ADAM12: variants seen among roughly 807,000 people sequenced by gnomAD.
ADAM12 encodes ADAM metallopeptidase domain 12.
Under a neutral mutation model 106.4 loss-of-function variants are expected in ADAM12, and 70 were observed. That is an observed-to-expected ratio of 0.66 (90% CI 0.54 to 0.80). The LOEUF (loss-of-function observed/expected upper bound fraction) is 0.80, where lower values mean the gene tolerates loss of function less well. ADAM12 is among the 30% of genes least tolerant of loss of function. The probability of loss-of-function intolerance (pLI) is 0.00; values close to 1 mark genes in which losing one functional copy is unlikely to be tolerated. For synonymous variants in ADAM12, 420 were observed against 433.5 expected, an observed-to-expected ratio of 0.97 and a Z score of 0.39; for missense variants, 1,010 against 1,171.9, an observed-to-expected ratio of 0.86 and a Z score of 2.02.
intron 3 of ADAM12, among the ~76,000 whole-genome samples, chr10:126,192,245 C>G (rs1236692894): frequency 6.6e-6 from 1 of 152,040 alleles, no homozygotes; most frequent in African/African-American, 2.4e-5. Flanking sequence ...TTTTGTGGTC[C>G]TTATGAGAAC....
intron 5 of ADAM12, among the ~76,000 whole-genome samples, chr10:126,119,726 C>T (rs1040513254): frequency 1.3e-5 from 2 of 152,164 alleles, no homozygotes; most frequent in Non-Finnish European, 2.9e-5. Flanking sequence ...TGACATTTAG[C>T]CATGGACCAT....
At chr10:126,040,201 T>C (rs1465918564) in intron 18 of ADAM12, among the ~76,000 whole-genome samples, 1 of 152,346 alleles carries the variant, frequency 6.6e-6, no homozygotes, top group African/African-American at 2.4e-5. Context: ...AGCGGCTGTC[T>C]GGGAAGGACT....
intron 1 of ADAM12, among the ~76,000 whole-genome samples, chr10:126,333,116 A>G (rs1356203125): frequency 6.6e-6 from 1 of 152,218 alleles, no homozygotes; most frequent in Non-Finnish European, 1.5e-5. Flanking sequence ...AAAGTCAGCT[A>G]AAACTGTCAA....
At chr10:126,302,673 GTTT>G (rs1028425531) in intron 2 of ADAM12, among the ~76,000 whole-genome samples, 1 of 152,068 alleles carries the variant, frequency 6.6e-6, no homozygotes, top group African/African-American at 2.4e-5. Flanking sequence ...GTATTCAATT[GTTT>G]TTTAAAAGGA....
intron 11 of ADAM12, among the ~76,000 whole-genome samples, chr10:126,084,321 G>A (rs918315940): frequency 2.6e-5 from 4 of 152,144 alleles, no homozygotes; most frequent in Non-Finnish European, 4.4e-5. Context: ...ACCCAGGGGC[G>A]GGGGACACAG....
At chr10:126,074,876 T>C (rs1955068716) in intron 11 of ADAM12, among the ~76,000 whole-genome samples, 1 of 152,184 alleles carries the variant, frequency 6.6e-6, no homozygotes, top group Non-Finnish European at 1.5e-5. Context: ...CCTTTCCACA[T>C]GGCCTGAGCT....
chr10:126,140,295 TTCAAGC>T (rs1956486236), intron 4 of ADAM12, among the ~76,000 whole-genome samples: 1 of 152,186 alleles, frequency 6.6e-6, no homozygotes, highest in Non-Finnish European at 1.5e-5. Flanking sequence ...CCTCTGAAAT[TTCAAGC>T]TCATTTATAC....
intron 2 of ADAM12, among the ~76,000 whole-genome samples, chr10:126,283,541 T>A (rs1959692676): frequency 6.6e-6 from 1 of 152,192 alleles, no homozygotes; most frequent in Admixed American, 6.5e-5. Context: ...CCTTTACGCC[T>A]CCCTCCTCAG....
chr10:126,220,730 G>A (rs1280336154), intron 3 of ADAM12, among the ~76,000 whole-genome samples: 1 of 152,180 alleles, frequency 6.6e-6, no homozygotes, highest in African/African-American at 2.4e-5. Flanking sequence ...AAAATAATTG[G>A]CTTTGAAAGT....
intron 4 of ADAM12, among the ~76,000 whole-genome samples, chr10:126,148,919 C>T (rs1243017929): frequency 6.6e-6 from 1 of 152,118 alleles, no homozygotes; most frequent in African/African-American, 2.4e-5. Context: ...AACACTGCTG[C>T]CTAGAGGACT....
chr10:126,078,846 G>A (rs981284107), intron 11 of ADAM12, among the ~76,000 whole-genome samples: 2 of 151,984 alleles, frequency 1.3e-5, no homozygotes, highest in Non-Finnish European at 1.5e-5. Context: ...ATGATTCCAC[G>A]TTCAGGTACT....
chr10:126,084,297 C>T (rs1955292631), intron 11 of ADAM12, among the ~76,000 whole-genome samples: 1 of 152,164 alleles, frequency 6.6e-6, no homozygotes, highest in African/African-American at 2.4e-5. Context: ...GCACCAAGTC[C>T]TGAAAGACCA....
chr10:126,185,399 T>C (rs1590581153), intron 3 of ADAM12, among the ~76,000 whole-genome samples: 1 of 152,276 alleles, frequency 6.6e-6, no homozygotes, highest in East Asian at 1.9e-4. Context: ...GAGGGGCAAA[T>C]GACAGCAACC....
At chr10:126,383,789 A>G (rs1856567066) in intron 1 of ADAM12, among the ~76,000 whole-genome samples, 1 of 152,176 alleles carries the variant, frequency 6.6e-6, no homozygotes, top group African/African-American at 2.4e-5. Context: ...ATGTGTGTTT[A>G]TCTATATATT....
chr10:126,298,508 A>G (rs991249601), intron 2 of ADAM12, among the ~76,000 whole-genome samples: 21 of 152,196 alleles, frequency 1.4e-4, no homozygotes, highest in African/African-American at 5.1e-4. Flanking sequence ...AAAAGGCTGG[A>G]AAGTTCAGAA....
chr10:126,075,581 G>A (rs546221282), intron 11 of ADAM12, among the ~76,000 whole-genome samples: 2 of 152,314 alleles, frequency 1.3e-5, no homozygotes, highest in East Asian at 3.9e-4. Flanking sequence ...AAGAGGGTGT[G>A]TATTGAACTT....
intron 14 of ADAM12, among the ~76,000 whole-genome samples, chr10:126,062,920 C>T (rs951933095): frequency 7.9e-5 from 12 of 152,208 alleles, no homozygotes; most frequent in Non-Finnish European, 1.3e-4. Flanking sequence ...CAGCAGTAGC[C>T]GCAGTCCCAA....
chr10:126,317,817 G>A (rs1853939444), intron 2 of ADAM12, among the ~76,000 whole-genome samples: 1 of 152,062 alleles, frequency 6.6e-6, no homozygotes, highest in African/African-American at 2.4e-5. Flanking sequence ...GGAGTGCAGT[G>A]GTGCAATGTT....
intron 3 of ADAM12, among the ~76,000 whole-genome samples, chr10:126,256,919 T>TG (rs1554997039): frequency 5.0e-5 from 4 of 80,282 alleles, no homozygotes; most frequent in South Asian, 4.8e-4. Flanking sequence ...ATAATAATAA[T>TG]AATGATGATG....
Sources: allele counts gnomAD v4.1 joint callset (sites outside exome capture counted in the v4.1 genomes callset), GRCh38; gene constraint gnomAD v4.1.1; transcripts MANE v1.5; gene names NCBI Gene and HGNC (gene_info 2026-07-23, HGNC 2026-07-21).